Variants in KLRG1 observed in about 807,000 individuals in gnomAD.
The protein encoded by KLRG1 is killer cell lectin-like receptor subfamily G member 1.
KLRG1 carries 16 observed loss-of-function variants against 21.8 expected under a neutral mutation model. That is an observed-to-expected ratio of 0.73 (90% confidence interval 0.50 to 1.11). The LOEUF (loss-of-function observed/expected upper bound fraction) is 1.11. Among genes scored for constraint, KLRG1 ranks in the 50% most tolerant of loss-of-function variants. The probability of loss-of-function intolerance (pLI) is 0.00; values close to 1 mark genes in which losing one functional copy is unlikely to be tolerated. For synonymous variants in KLRG1, 69 were observed against 75.9 expected, an observed-to-expected ratio of 0.91 and a Z score of 0.47; for missense variants, 173 against 218.3, an observed-to-expected ratio of 0.79 and a Z score of 1.31.
intron 4 of KLRG1, 151 bp downstream of exon 4, chr12:9,009,226 A>G: frequency 1.2e-6 from 1 of 833,214 alleles, no homozygotes; most frequent in Non-Finnish European, 1.8e-6. Context: ...GGAATGAACA[A>G]TGGGTAAGGG....
At chr12:9,090,133 A>T in the KLRG1 span, 1 of 1,482,868 alleles carries the variant, frequency 6.7e-7, no homozygotes, top group Non-Finnish European at 9.1e-7. Flanking sequence ...TTATTAAAAC[A>T]CAGAAGCAGG....
intron 1 of KLRG1, among the ~76,000 whole-genome samples, chr12:8,960,757 C>G (rs1047709423): frequency 6.6e-6 from 1 of 152,052 alleles, no homozygotes; most frequent in Admixed American, 6.6e-5. Flanking sequence ...GTTTATTGTC[C>G]AGTATAATAA....
intron 1 of KLRG1, among the ~76,000 whole-genome samples, chr12:8,977,370 A>ATTTTTTTTTTTTTT (rs1229287155): frequency 3.9e-5 from 5 of 127,842 alleles, no homozygotes; most frequent in Non-Finnish European, 8.2e-5. Flanking sequence ...TGCCTGGCTA[A>ATTTTTTTTTTTTTT]TTTTTTTTTT....
At chr12:8,999,374 A>G (rs973118643) in intron 3 of KLRG1, among the ~76,000 whole-genome samples, 1 of 152,164 alleles carries the variant, frequency 6.6e-6, no homozygotes, top group African/African-American at 2.4e-5. Context: ...TCCTTGCCCT[A>G]TAATATCTCT....
the KLRG1 span, among the ~76,000 whole-genome samples, chr12:9,184,017 C>G: frequency 6.6e-6 from 1 of 152,044 alleles, no homozygotes; most frequent in African/African-American, 2.4e-5. Flanking sequence ...GTCTTGAGTT[C>G]AACAAGGAAA....
chr12:9,163,345 C>T, the KLRG1 span, among the ~76,000 whole-genome samples: 7 of 149,716 alleles, frequency 4.7e-5, no homozygotes, highest in African/African-American at 9.9e-5. Context: ...CCCAGCTACT[C>T]GGGAGGCTGA....
At chr12:9,020,062 TAC>T in the KLRG1 span, among the ~76,000 whole-genome samples, 53,045 of 150,008 alleles carry the variant, frequency 0.35, 9,256 homozygotes, top group Admixed American at 0.39. Flanking sequence ...TATATATATA[TAC>T]ACACACACAC....
chr12:9,157,345 A>T, the KLRG1 span: 3 of 1,612,944 alleles, frequency 1.9e-6, no homozygotes, highest in Non-Finnish European at 2.5e-6. Context: ...GGCATTGCGA[A>T]CAATAGGGTT....
At chr12:8,963,917 C>A (rs2137227187) in intron 1 of KLRG1, among the ~76,000 whole-genome samples, 3 of 151,602 alleles carry the variant, frequency 2.0e-5, no homozygotes. Flanking sequence ...CTATTTGATT[C>A]TTCTCTCATT....
At chr12:9,160,430 C>G in the KLRG1 span, 1 of 1,613,916 alleles carries the variant, frequency 6.2e-7, no homozygotes, top group Non-Finnish European at 8.5e-7. Flanking sequence ...CTGTTCTCCA[C>G]AGCCATATGG....
the KLRG1 span, chr12:9,201,085 C>T: frequency 1.7e-5 from 28 of 1,611,934 alleles, no homozygotes; most frequent in Admixed American, 5.0e-5. Flanking sequence ...GAAACATGGG[C>T]GGTAATCATT....
chr12:9,187,284 A>G, the KLRG1 span, among the ~76,000 whole-genome samples: 1 of 152,114 alleles, frequency 6.6e-6, no homozygotes, highest in Non-Finnish European at 1.5e-5. Flanking sequence ...TAGACAGATC[A>G]TCAAGGCAGA....
the KLRG1 span, chr12:9,194,340 C>T: frequency 2.5e-5 from 28 of 1,114,802 alleles, no homozygotes; most frequent in Non-Finnish European, 3.2e-5. Context: ...ACAACAACCT[C>T]CCCCTCAAAA....
At chr12:9,067,814 T>C in the KLRG1 span, 1 of 1,612,700 alleles carries the variant, frequency 6.2e-7, no homozygotes. Context: ...CTTTTCAGCC[T>C]TGTGGTCTTC....
the KLRG1 span, among the ~76,000 whole-genome samples, chr12:9,138,266 A>G: frequency 0.25 from 38,323 of 151,742 alleles, 5,578 homozygotes; most frequent in Admixed American, 0.33. Flanking sequence ...GCTTGTATTT[A>G]TATAATTATG....
chr12:9,179,921 T>TGGCACTCATCAAGATGAGTGG, the KLRG1 span, among the ~76,000 whole-genome samples: 1 of 152,188 alleles, frequency 6.6e-6, no homozygotes, highest in East Asian at 1.9e-4. Flanking sequence ...AATTTCAAAA[T>TGGCACTCATCAAGATGAGTGG]CACATCTCAG....
the KLRG1 span, among the ~76,000 whole-genome samples, chr12:9,037,685 C>A: frequency 6.6e-6 from 1 of 152,154 alleles, no homozygotes; most frequent in South Asian, 2.1e-4. Context: ...AGAGCCCTAT[C>A]GAGGTGTACC....
chr12:9,157,565 G>A, the KLRG1 span, among the ~76,000 whole-genome samples: 1 of 152,176 alleles, frequency 6.6e-6, no homozygotes. Flanking sequence ...CTGTTTTTAG[G>A]ATTGGTTTTG....
At chr12:9,081,684 G>A in the KLRG1 span, among the ~76,000 whole-genome samples, 1 of 152,204 alleles carries the variant, frequency 6.6e-6, no homozygotes, top group Admixed American at 6.5e-5. Flanking sequence ...ATAGAGAGGA[G>A]TTCCCTGGGG....
Sources: gnomAD v4.1 joint callset for allele counts (sites outside exome capture counted in the v4.1 genomes callset) on GRCh38, gnomAD v4.1.1 for gene constraint, MANE v1.5 for transcripts, NCBI Gene and HGNC (gene_info 2026-07-23, HGNC 2026-07-21) for gene names.